Variants in ADAM10 observed in about 807,000 individuals in gnomAD.
The protein encoded by ADAM10 is ADAM metallopeptidase domain 10, also known as disintegrin and metalloproteinase domain-containing protein 10.
Under a neutral mutation model 90.1 loss-of-function variants are expected in ADAM10, and 17 were observed. The observed-to-expected ratio is 0.19, with a 90% CI of 0.13 to 0.28. The LOEUF is 0.28. Ranked by LOEUF, ADAM10 falls within the 10% of genes least tolerant of loss-of-function variation. ADAM10 has a pLI of 1.00. For synonymous variants in ADAM10, 310 were observed against 298.6 expected (o/e 1.04, Z -0.40); for missense variants, 610 against 914.3 (o/e 0.67, Z 4.29).
At chr15:58,606,025 A>G (rs1389077492) in intron 14 of ADAM10, among the ~76,000 whole-genome samples, 2 of 152,156 alleles carry the variant, frequency 1.3e-5, no homozygotes, top group Non-Finnish European at 2.9e-5. Flanking sequence ...AAGATAATCT[A>G]CTGTTCTTAA....
intron 11 of ADAM10, among the ~76,000 whole-genome samples, chr15:58,612,672 T>C (rs1305807712): frequency 1.3e-5 from 2 of 152,120 alleles, no homozygotes; most frequent in African/African-American, 4.8e-5. Flanking sequence ...CTGAGTCCTA[T>C]TGGCTCAGGC....
At chr15:58,650,101 T>C (rs1378309215) in intron 5 of ADAM10, among the ~76,000 whole-genome samples, 3 of 152,238 alleles carry the variant, frequency 2.0e-5, no homozygotes, top group Non-Finnish European at 4.4e-5. Context: ...TTTTCAATTT[T>C]CTGCTAAAAT....
intron 5 of ADAM10, among the ~76,000 whole-genome samples, 153 bp downstream of exon 5, chr15:58,664,944 T>C (rs1195027585): frequency 5.9e-5 from 9 of 152,198 alleles, no homozygotes; most frequent in African/African-American, 2.2e-4. Context: ...TCTTTATTAT[T>C]GGCACGTTAC....
intron 2 of ADAM10, among the ~76,000 whole-genome samples, chr15:58,682,885 T>C (rs1220059736): frequency 6.6e-6 from 1 of 152,124 alleles, no homozygotes; most frequent in East Asian, 1.9e-4. Context: ...ACCAGGATAA[T>C]GGCTGAAATC....
At chr15:58,682,087 C>T in intron 3 of ADAM10, 109 bp downstream of exon 3, 1 of 1,493,642 alleles carries the variant, frequency 6.7e-7, no homozygotes, top group Non-Finnish European at 9.1e-7. Flanking sequence ...AATTCAACCT[C>T]CTCTGGATTT....
chr15:58,677,791 T>G (rs1375889435), intron 4 of ADAM10, among the ~76,000 whole-genome samples: 1 of 152,196 alleles, frequency 6.6e-6, no homozygotes, highest in Non-Finnish European at 1.5e-5. Context: ...TATTCCAGTA[T>G]TTCATTAAGT....
chr15:58,600,198 G>A (rs1479221821), intron 14 of ADAM10, among the ~76,000 whole-genome samples: 2 of 152,104 alleles, frequency 1.3e-5, no homozygotes, highest in African/African-American at 4.8e-5. Flanking sequence ...ATATGAGTGT[G>A]CAAACCCAAT....
intron 9 of ADAM10, among the ~76,000 whole-genome samples, chr15:58,631,551 A>C (rs1239408817): frequency 6.6e-6 from 1 of 152,178 alleles, no homozygotes; most frequent in African/African-American, 2.4e-5. Context: ...GTATGTTAGA[A>C]ATACAGAAAC....
At chr15:58,659,080 C>A (rs563126608) in intron 5 of ADAM10, among the ~76,000 whole-genome samples, 3 of 152,178 alleles carry the variant, frequency 2.0e-5, no homozygotes, top group Admixed American at 2.0e-4. Context: ...CAAGACCAGC[C>A]TGACCAACAT....
In ADAM10 at chr15:58,597,347, C is replaced by T. The variant is rs1894983815; in HGVS notation, c.*200G>A. 6.5e-7 allele frequency: 1 copy of T among 1,530,456 alleles called. No individual in the cohort carries two copies. Among genetic ancestry groups the T allele is most frequent in the Non-Finnish European group, 8.8e-7 (1 of 1,138,716 alleles). 94.8% of individuals were successfully genotyped at this position (1,530,456 alleles called of 1,614,324 possible). A position where few individuals can be genotyped will look rare whatever the true frequency, so the allele number is the denominator to read the frequency against. On this transcript the variant is annotated 3_prime_UTR_variant, in exon 16 of 16. Coordinates refer to ENST00000260408, the MANE Select transcript of ADAM10 (RefSeq NM_001110.4). ...TCATAAGAAAATTGGGTTCCTTTTC[C>T]ACCTCCCACCCCCAAATTGGAATTT...
At chr15:58,682,436 A>C in intron 2 of ADAM10, 122 bp from the exon 3 acceptor site, 1 of 1,431,878 alleles carries the variant, frequency 7.0e-7, no homozygotes, top group Non-Finnish European at 9.2e-7. Context: ...CTATTTGTGA[A>C]ATACGCTGAC....
intron 4 of ADAM10, among the ~76,000 whole-genome samples, chr15:58,672,143 G>C (rs1402232726): frequency 6.6e-6 from 1 of 152,122 alleles, no homozygotes; most frequent in African/African-American, 2.4e-5. Flanking sequence ...TTTCAAAGTT[G>C]CTTTACAACA....
intron 11 of ADAM10, among the ~76,000 whole-genome samples, chr15:58,619,828 C>T (rs1051956396): frequency 2.6e-5 from 4 of 151,692 alleles, no homozygotes; most frequent in Admixed American, 6.6e-5. Flanking sequence ...GGCGTGAACC[C>T]GGGAGGCGGA....
chr15:58,736,267 C>T (rs1899426974), intron 1 of ADAM10, among the ~76,000 whole-genome samples: 1 of 152,176 alleles, frequency 6.6e-6, no homozygotes, highest in Admixed American at 6.5e-5. Flanking sequence ...ACGTCTTCTC[C>T]TTTCTCTTCT....
intron 10 of ADAM10, among the ~76,000 whole-genome samples, chr15:58,622,092 A>G (rs1425905243): frequency 1.3e-5 from 2 of 152,194 alleles, no homozygotes; most frequent in Non-Finnish European, 2.9e-5. Context: ...AACTATCAAC[A>G]ACAATATGCT....
chr15:58,696,388 TAGAA>T (rs1165133384), intron 2 of ADAM10, among the ~76,000 whole-genome samples: 1 of 151,934 alleles, frequency 6.6e-6, no homozygotes, highest in Admixed American at 6.6e-5. Context: ...ATAAACAACT[TAGAA>T]GGAAAACAGA....
At chr15:58,627,589 A>G (rs1895984209) in intron 10 of ADAM10, 111 bp downstream of exon 10, 1 of 880,118 alleles carries the variant, frequency 1.1e-6, no homozygotes. Context: ...GCAAAGTGTT[A>G]GCAATAGTAA....
At chr15:58,738,057 T>C (rs1463915617) in intron 1 of ADAM10, among the ~76,000 whole-genome samples, 1 of 152,140 alleles carries the variant, frequency 6.6e-6, no homozygotes, top group African/African-American at 2.4e-5. Flanking sequence ...TTACAATAAA[T>C]GAGAGGATAT....
chr15:58,691,333 C>T, intron 2 of ADAM10: 2 of 1,166,816 alleles, frequency 1.7e-6, no homozygotes, highest in Non-Finnish European at 2.6e-6. Flanking sequence ...AGCTGCTGCA[C>T]ACAGTACTCA....
Sources: gnomAD v4.1 joint callset for allele counts (sites outside exome capture counted in the v4.1 genomes callset) on GRCh38, gnomAD v4.1.1 for gene constraint, MANE v1.5 for transcripts, NCBI Gene and HGNC (gene_info 2026-07-23, HGNC 2026-07-21) for gene names.